LINC00632: variants seen among roughly 807,000 people sequenced by gnomAD.
LINC00632 encodes long independently transcribed non-coding RNA 632.
intron 3 of LINC00632, among the ~76,000 whole-genome samples, chrX:140,755,426 A>G (rs958653322): frequency 8.9e-6 from 1 of 112,229 alleles, no homozygotes; most frequent in Non-Finnish European, 1.9e-5. Context: ...TGGCTCTGCC[A>G]CTTACTAGCT....
exon 5 of LINC00632, among the ~76,000 whole-genome samples, chrX:140,790,440 C>T (rs1435372100): frequency 9.0e-6 from 1 of 110,896 alleles, no homozygotes; most frequent in East Asian, 2.8e-4. Flanking sequence ...TGAGCTAGTA[C>T]CTCACTGCTT....
At chrX:140,722,140 CCA>C (rs1930737476) in intron 2 of LINC00632, among the ~76,000 whole-genome samples, 1 of 111,118 alleles carries the variant, frequency 9.0e-6, no homozygotes, top group Non-Finnish European at 1.9e-5. Flanking sequence ...TCAGAAAACC[CCA>C]GAGTGTAGTG....
At chrX:140,711,692 C>G (rs1930517371) in intron 2 of LINC00632, 1 of 254,419 alleles carries the variant, frequency 3.9e-6, no homozygotes, top group Admixed American at 4.9e-5. Context: ...CCCCCAACAC[C>G]TATCACCTAA....
chrX:140,734,473 C>A (rs1184978024), intron 3 of LINC00632, among the ~76,000 whole-genome samples: 2 of 110,926 alleles, frequency 1.8e-5, no homozygotes, highest in South Asian at 7.6e-4. Context: ...AGAAATTTTA[C>A]GTAATGTTTC....
intron 3 of LINC00632, among the ~76,000 whole-genome samples, chrX:140,736,764 G>C (rs769685728): frequency 9.1e-6 from 1 of 109,927 alleles, no homozygotes; most frequent in East Asian, 2.9e-4. Context: ...GATATTTTAT[G>C]AAAGAGTCTA....
chrX:140,743,687 A>G (rs1200962677), intron 3 of LINC00632, among the ~76,000 whole-genome samples: 1 of 111,692 alleles, frequency 9.0e-6, no homozygotes, highest in Non-Finnish European at 1.9e-5. Flanking sequence ...ATCTGGCAGT[A>G]TTCATGTACC....
intron 3 of LINC00632, among the ~76,000 whole-genome samples, chrX:140,756,112 G>C (rs1931489086): frequency 9.0e-6 from 1 of 111,405 alleles, no homozygotes; most frequent in Admixed American, 9.7e-5. Context: ...ACAGCTGTAA[G>C]GGGATAGTAC....
exon 5 of LINC00632, among the ~76,000 whole-genome samples, chrX:140,774,588 C>G (rs1004317959): frequency 9.0e-6 from 1 of 111,354 alleles, no homozygotes; most frequent in African/African-American, 3.3e-5. Flanking sequence ...TCTCTTCAGA[C>G]GAAATGCAAT....
At chrX:140,781,565 A>G (rs1271963855) in exon 5 of LINC00632, among the ~76,000 whole-genome samples, 1 of 111,070 alleles carries the variant, frequency 9.0e-6, no homozygotes, top group East Asian at 2.9e-4. Context: ...ATCTCCTATC[A>G]TTACAGCACA....
At chrX:140,772,300 T>C in exon 4 of LINC00632, 1 of 296,793 alleles carries the variant, frequency 3.4e-6, no homozygotes, top group Non-Finnish European at 5.9e-6. Flanking sequence ...CTTGTTCTTC[T>C]GCTTGTTATT....
intron 3 of LINC00632, among the ~76,000 whole-genome samples, chrX:140,756,017 A>G (rs1384138212): frequency 9.0e-6 from 1 of 111,579 alleles, no homozygotes; most frequent in African/African-American, 3.3e-5. Flanking sequence ...TAAGTGCTTG[A>G]AAAAAAAGTA....
chrX:140,755,377 T>A (rs1311116277), intron 3 of LINC00632, among the ~76,000 whole-genome samples: 1 of 112,380 alleles, frequency 8.9e-6, no homozygotes, highest in Non-Finnish European at 1.9e-5. Context: ...AGTGCAAGAT[T>A]AAGTTAAAGG....
At chrX:140,720,281 A>G (rs191198296) in intron 2 of LINC00632, among the ~76,000 whole-genome samples, 217 of 110,788 alleles carry the variant, frequency 2.0e-3, no homozygotes, top group Non-Finnish European at 3.3e-3. Flanking sequence ...AATCAGAAGA[A>G]ATGCTCAAAA....
intron 3 of LINC00632, among the ~76,000 whole-genome samples, chrX:140,767,773 A>G (rs1261372597): frequency 9.0e-6 from 1 of 111,680 alleles, no homozygotes; most frequent in Non-Finnish European, 1.9e-5. Flanking sequence ...GTTATGGAGG[A>G]TGAGAAGGCC....
chrX:140,740,854 C>A (rs1931215224), intron 3 of LINC00632, among the ~76,000 whole-genome samples: 1 of 112,078 alleles, frequency 8.9e-6, no homozygotes, highest in Admixed American at 9.5e-5. Flanking sequence ...TGCCAGTGAA[C>A]AATTAACTGA....
At chrX:140,717,122 A>C (rs1360781681) in intron 2 of LINC00632, among the ~76,000 whole-genome samples, 2 of 109,767 alleles carry the variant, frequency 1.8e-5, no homozygotes, top group African/African-American at 6.6e-5. Flanking sequence ...GTAGCTGGGA[A>C]TACAGGCGCG....
intron 2 of LINC00632, among the ~76,000 whole-genome samples, chrX:140,733,192 A>C (rs970915631): frequency 1.8e-5 from 2 of 112,792 alleles, no homozygotes; most frequent in Non-Finnish European, 3.7e-5. Flanking sequence ...AAAGATTTTG[A>C]GTTCACATGT....
At chrX:140,756,113 G>A (rs5954087) in intron 3 of LINC00632, among the ~76,000 whole-genome samples, 12,568 of 110,765 alleles carry the variant, frequency 0.11, 562 homozygotes, top group Admixed American at 0.18. Context: ...CAGCTGTAAG[G>A]GGATAGTACT....
intron 3 of LINC00632, among the ~76,000 whole-genome samples, chrX:140,745,834 G>A (rs572077773): frequency 8.9e-6 from 1 of 111,756 alleles, no homozygotes; most frequent in Admixed American, 9.5e-5. Context: ...TGCTGCCTGG[G>A]ACCAGGCCCA....
Sources: allele counts gnomAD v4.1 joint callset (sites outside exome capture counted in the v4.1 genomes callset), GRCh38; gene constraint gnomAD v4.1.1; transcripts MANE v1.5; gene names NCBI Gene and HGNC (gene_info 2026-07-23, HGNC 2026-07-21).